Variants in ITIH2 observed in about 807,000 individuals in gnomAD.
ITIH2 encodes the protein inter-alpha-trypsin inhibitor heavy chain 2, also known as inter-alpha-trypsin inhibitor heavy chain H2.
A neutral mutation model predicts 104.4 loss-of-function variants in ITIH2; 103 were observed. That is an observed-to-expected ratio of 0.99 (90% confidence interval 0.84 to 1.16). The LOEUF (loss-of-function observed/expected upper bound fraction) is 1.16. ITIH2 is among the 50% of genes most tolerant of loss of function. ITIH2 has a pLI of 0.00. For missense variants in ITIH2, 1,108 were observed against 1,162.4 expected (o/e 0.95, Z 0.68); for synonymous variants, 436 against 435.4 (o/e 1.00, Z -0.02).
intron 3 of ITIH2, 65 bp downstream of exon 3, chr10:7,707,298 T>A (rs1378894181): frequency 3.4e-6 from 4 of 1,169,630 alleles, no homozygotes; most frequent in South Asian, 1.3e-5. Context: ...AGGAAATCAA[T>A]CTGGGTGTCT....
rs771937619 is a variant in ITIH2, at chr10:7,723,411, C to T, written c.868-40C>T. On this transcript the variant is annotated intron_variant, in intron 8 of 20. Coordinates refer to ENST00000358415, the MANE Select transcript of ITIH2 (RefSeq NM_002216.3). ...TCCCCATCTTCCTACCTTCTAAACA[C>T]GAATCATGATTTGACTCACAAATAC... 5.4e-6 allele frequency: 7 copies of T among 1,296,440 alleles called. No homozygotes were observed. The Admixed American group carries it at 6.7e-5, about 12-fold the overall frequency. The allele number at this position is 1,296,440 out of a possible 1,614,324, so 80.3% of individuals were successfully genotyped here.
chr10:7,720,601 G>A (rs1476295734), intron 6 of ITIH2, among the ~76,000 whole-genome samples: 1 of 152,166 alleles, frequency 6.6e-6, no homozygotes, highest in Admixed American at 6.5e-5. Flanking sequence ...CGAATAGAAT[G>A]AGGAAGGGAG....
At chr10:7,713,108 A>G in intron 4 of ITIH2, 73 bp from the exon 5 acceptor site, 1 of 1,167,434 alleles carries the variant, frequency 8.6e-7, no homozygotes, top group Non-Finnish European at 1.3e-6. Context: ...TGACAGAGCA[A>G]GACTCCATCT....
In ITIH2 at chr10:7,732,120, G is replaced by T. The variant is rs1028001009; in HGVS notation, c.1647+124G>T. ...ACAGAAGCAATCAGTGATGGAGAAGGCATGAGAATATCTCTGCCATCTTCC... is the reference window on the plus strand; with the variant it reads ...ACAGAAGCAATCAGTGATGGAGAAGTCATGAGAATATCTCTGCCATCTTCC... On this transcript the variant is annotated intron_variant, in intron 13 of 20. Transcript: ENST00000358415. 9 of 895,646 alleles carry T rather than the reference G, an allele frequency of 1.0e-5. No individual in the cohort carries two copies. In the Middle Eastern group the frequency reaches 8.7e-4, roughly 87 times the overall value. 55.5% of individuals were successfully genotyped at this position (895,646 alleles called of 1,614,324 possible). A position where few individuals can be genotyped will look rare whatever the true frequency, so the allele number is the denominator to read the frequency against.
At position 7,746,582 on chromosome 10, in the gene ITIH2, T is replaced by C; in HGVS notation, c.2582-11T>C. 6.4e-7 allele frequency: 1 copy of C among 1,558,650 alleles called. No homozygotes were observed. On this transcript the variant is annotated splice_polypyrimidine_tract_variant and intron_variant, in intron 19 of 20. Coordinates refer to ENST00000358415, the MANE Select transcript of ITIH2 (RefSeq NM_002216.3). The stretch of plus-strand genomic sequence containing the variant: ...TTACATGTCAATCAATGTCTGATTC[T>C]GTTTTGCTAGGCCAGTTCATGCAGG...
In ITIH2 at chr10:7,703,387, C is replaced by A; in HGVS notation, c.-48C>A. The A allele has an allele frequency of 7.7e-7, 1 of 1,292,638 alleles. No homozygotes were observed. The highest frequency in any genetic ancestry group is 1.1e-6 in the Non-Finnish European group (1 of 887,494). 80.1% of individuals were successfully genotyped at this position (1,292,638 alleles called of 1,614,324 possible). Reference sequence around the variant, plus strand: ...TGGTTCAGTAGGAAGAAGTGATATCCTCCCCAGACCATCTGCTTTGGGGAG... The same window carrying A: ...TGGTTCAGTAGGAAGAAGTGATATCATCCCCAGACCATCTGCTTTGGGGAG... On this transcript the variant is annotated 5_prime_UTR_variant, in exon 1 of 21. Coordinates refer to ENST00000358415, the MANE Select transcript of ITIH2 (RefSeq NM_002216.3).
chr10:7,724,823 CA>C (rs149937303), intron 9 of ITIH2, among the ~76,000 whole-genome samples: 1,575 of 152,188 alleles, frequency 0.01, 37 homozygotes, highest in African/African-American at 0.035. Context: ...TGCATCATAA[CA>C]ATCAAATATA....
intron 8 of ITIH2, 39 bp from the exon 9 acceptor site, chr10:7,723,412 G>A (rs371015581): frequency 2.4e-5 from 31 of 1,303,652 alleles, no homozygotes; most frequent in South Asian, 7.1e-5. Flanking sequence ...TTCTAAACAC[G>A]AATCATGATT....
At chr10:7,733,920 G>A (rs551656963) in intron 14 of ITIH2, among the ~76,000 whole-genome samples, 3 of 151,974 alleles carry the variant, frequency 2.0e-5, no homozygotes, top group Non-Finnish European at 2.9e-5. Flanking sequence ...TGACTGTGAA[G>A]TAAACGAGAA....
Position 7,744,934 on chromosome 10 carries a change from A to G in ITIH2, c.2552A>G (p.Lys851Arg), listed in dbSNP as rs1835162065. The change falls in exon 19 of 21, where the codon AAG becomes AGG. Residue 851 changes from lysine (K) to arginine (R), a missense_variant. Coordinates refer to ENST00000358415, the MANE Select transcript of ITIH2 (RefSeq NM_002216.3). ...GGAATCTACATACCCCCTACAAACA[A>G]GTTCTCACCTAAAGCCCACGGACTA... ...FLGIYIPPTN[K>R]FSPKAHGLIG... The G allele has an allele frequency of 6.2e-7, 1 of 1,614,008 alleles. No individual in the cohort carries two copies. Among genetic ancestry groups the G allele is most frequent in the African/African-American group, 1.3e-5 (1 of 74,920 alleles).
rs780234408 is a variant in ITIH2, at chr10:7,713,174, T to C, written c.363-7T>C. 1.9e-6 allele frequency: 3 copies of C among 1,610,266 alleles called. No individual in the cohort carries two copies. The highest frequency in any genetic ancestry group is 2.2e-5 in the South Asian group (2 of 90,792). On this transcript the variant is annotated splice_region_variant and splice_polypyrimidine_tract_variant and intron_variant, in intron 4 of 20. Coordinates refer to ENST00000358415, the MANE Select transcript of ITIH2 (RefSeq NM_002216.3). Reference sequence around the variant, plus strand: ...TGACCAACTGGTTACCTTCTGTCATTTTCTAGGACTGTGGACGGCAAGACA... The same window carrying C: ...TGACCAACTGGTTACCTTCTGTCATCTTCTAGGACTGTGGACGGCAAGACA...
chr10:7,747,753 T>G (rs10905225), intron 20 of ITIH2, among the ~76,000 whole-genome samples: 106,816 of 151,986 alleles, frequency 0.7, 37,638 homozygotes, highest in Non-Finnish European at 0.72. Context: ...AAAATAATTA[T>G]CCAGGTGTAG....
chr10:7,730,164 T>G, intron 12 of ITIH2, 31 bp downstream of exon 12: 1 of 1,514,462 alleles, frequency 6.6e-7, no homozygotes, highest in East Asian at 2.3e-5. Context: ...TTTTTTATTC[T>G]TCACTGGAAA....
rs1012301329 is a variant in ITIH2 at position 7,721,593 on chromosome 10, G to C, written c.739-56G>C. 5.1e-6 allele frequency: 8 copies of C among 1,558,438 alleles called. No homozygotes were observed. The Admixed American group carries it at 1.4e-4, about 28-fold the overall frequency. ...CCCTGTGTGCTGGAGAAGGGGCAGC[G>C]CCAAGCACTGGGAAGGGGCTAGAGG... On this transcript the variant is annotated intron_variant, in intron 7 of 20. Coordinates refer to ENST00000358415, the MANE Select transcript of ITIH2 (RefSeq NM_002216.3).
intron 11 of ITIH2, among the ~76,000 whole-genome samples, chr10:7,728,909 A>G (rs1191485337): frequency 6.6e-6 from 1 of 152,222 alleles, no homozygotes; most frequent in Admixed American, 6.5e-5. Flanking sequence ...GACTAGAATG[A>G]GCCAGTGTTA....
intron 20 of ITIH2, among the ~76,000 whole-genome samples, chr10:7,748,810 C>T (rs565388345): frequency 8.6e-5 from 13 of 151,780 alleles, no homozygotes; most frequent in South Asian, 6.3e-4. Context: ...CCTCCCAAAG[C>T]GCTGAGATTA....
Position 7,734,937 on chromosome 10 carries a change from A to C in ITIH2, c.1803A>C (p.Thr601=), listed in dbSNP as rs752980475. Residue 601 remains threonine, a synonymous_variant, in exon 15 of 21, where the codon ACA becomes ACC. Coordinates refer to ENST00000358415, the MANE Select transcript of ITIH2 (RefSeq NM_002216.3). ...QLLAERSLAP[T]AAAKRRITRS... is the part of the protein sequence containing the mutation. ...TTGAATACAGAAGCCTGGCTCCTAC[A>C]GCTGCCGCCAAGAGAAGAATTACAA... 22 of 1,612,484 alleles carry C rather than the reference A, an allele frequency of 1.4e-5. No individual in the cohort carries two copies. The highest frequency in any genetic ancestry group is 2.7e-5 in the African/African-American group (2 of 74,934).
rs1358648108 is a variant in ITIH2 at position 7,744,208 on chromosome 10, C to G, written c.2336C>G (p.Thr779Ser). 6.2e-7 allele frequency: 1 copy of G among 1,614,028 alleles called. No individual in the cohort carries two copies. Among genetic ancestry groups the G allele is most frequent in the Non-Finnish European group, 8.5e-7 (1 of 1,180,026 alleles). The change falls in exon 18 of 21, where the codon ACC (threonine) becomes AGC (serine). Residue 779 changes from threonine (T) to serine (S), a missense_variant. Physicochemically the swap from Thr to Ser is moderately conservative, Grantham distance 58. Transcript: ENST00000358415. ...ATAAAAATAGAAATCAGCACTGAGA[C>G]CATCACCCTGAGCCATGGTTCTAGC... is the stretch of plus-strand genomic sequence containing the variant. ...EDIKIEISTE[T>S]ITLSHGSSTF...
At chr10:7,721,975 G>A (rs574185141) in intron 8 of ITIH2, among the ~76,000 whole-genome samples, 198 bp downstream of exon 8, 5 of 152,252 alleles carry the variant, frequency 3.3e-5, no homozygotes, top group Admixed American at 2.6e-4. Flanking sequence ...AATGAATAGG[G>A]TCTCATGCTC....
Sources: allele counts gnomAD v4.1 joint callset (sites outside exome capture counted in the v4.1 genomes callset), GRCh38; gene constraint gnomAD v4.1.1; transcripts MANE v1.5; gene names NCBI Gene and HGNC (gene_info 2026-07-23, HGNC 2026-07-21).